The following AOPEP variants were observed in gnomAD, a reference collection of about 807,000 sequenced individuals.
The protein encoded by AOPEP is aminopeptidase O (putative).
A neutral mutation model predicts 98.1 loss-of-function variants in AOPEP; 77 were observed. That is an observed-to-expected ratio of 0.78 (90% CI 0.65 to 0.95). AOPEP has a LOEUF of 0.95. Among genes scored for constraint, AOPEP ranks in the 40% least tolerant of loss-of-function variants. AOPEP has a pLI of 0.00. For synonymous variants in AOPEP, 346 were observed against 365.3 expected (o/e 0.95, Z 0.60); for missense variants, 1,024 against 1,024.7 (o/e 1.00, Z 0.01).
At chr9:94,777,425 C>G (rs1362898902) in intron 3 of AOPEP, among the ~76,000 whole-genome samples, 1 of 148,362 alleles carries the variant, frequency 6.7e-6, no homozygotes, top group Non-Finnish European at 1.5e-5. Context: ...GAGCGAGACT[C>G]CATCTCAAAA....
intron 5 of AOPEP, among the ~76,000 whole-genome samples, chr9:94,899,079 A>C (rs979336234): frequency 4.6e-5 from 7 of 151,708 alleles, no homozygotes; most frequent in Non-Finnish European, 7.4e-5. Context: ...TATTTTCTGG[A>C]GCAATTCGTA....
chr9:95,070,659 G>T (rs1346370846), intron 14 of AOPEP, among the ~76,000 whole-genome samples: 1 of 152,276 alleles, frequency 6.6e-6, no homozygotes, highest in Non-Finnish European at 1.5e-5. Flanking sequence ...AGAGGCCCAT[G>T]CATGCCCCAG....
intron 1 of AOPEP, among the ~76,000 whole-genome samples, chr9:94,732,154 A>G (rs1191963891): frequency 6.6e-6 from 1 of 152,080 alleles, no homozygotes; most frequent in Non-Finnish European, 1.5e-5. Context: ...TTAATTGGGA[A>G]CTAATTACAG....
chr9:94,947,287 T>C (rs1000826579), intron 7 of AOPEP, among the ~76,000 whole-genome samples: 1 of 151,790 alleles, frequency 6.6e-6, no homozygotes, highest in Admixed American at 6.6e-5. Flanking sequence ...GGCCTTTTGT[T>C]ATTCTTTTAA....
downstream of AOPEP, among the ~76,000 whole-genome samples, chr9:95,088,429 G>A (rs568699773): frequency 6.0e-4 from 91 of 152,158 alleles, no homozygotes; most frequent in African/African-American, 2.1e-3. Context: ...GGCTGGTCTC[G>A]AACTCCCGAC....
At chr9:94,776,451 G>A (rs899584909) in intron 3 of AOPEP, among the ~76,000 whole-genome samples, 2 of 152,122 alleles carry the variant, frequency 1.3e-5, no homozygotes, top group Non-Finnish European at 2.9e-5. Flanking sequence ...ACAGGCGCAC[G>A]CCGCCATGCC....
At chr9:94,807,535 G>A (rs1306371496) in intron 5 of AOPEP, among the ~76,000 whole-genome samples, 3 of 152,154 alleles carry the variant, frequency 2.0e-5, no homozygotes, top group Non-Finnish European at 2.9e-5. Context: ...AGCCTGAGAC[G>A]GCCAGTCAGC....
At chr9:94,859,394 A>G (rs1180477051) in intron 5 of AOPEP, among the ~76,000 whole-genome samples, 1 of 152,226 alleles carries the variant, frequency 6.6e-6, no homozygotes, top group African/African-American at 2.4e-5. Flanking sequence ...TCTGTCTGCC[A>G]AATCTCCCTT....
At chr9:94,784,698 C>A (rs1457094115) in intron 3 of AOPEP, among the ~76,000 whole-genome samples, 1 of 152,208 alleles carries the variant, frequency 6.6e-6, no homozygotes, top group Non-Finnish European at 1.5e-5. Flanking sequence ...CCACTGCAAC[C>A]TCTGCCTCTT....
chr9:95,047,498 T>A (rs573088609), intron 13 of AOPEP, among the ~76,000 whole-genome samples: 155 of 152,360 alleles, frequency 1.0e-3, no homozygotes, highest in African/African-American at 3.7e-3. Context: ...TAAATTAGAA[T>A]GAAGAGTTTA....
At chr9:94,790,121 C>T (rs1015183842) in intron 3 of AOPEP, among the ~76,000 whole-genome samples, 6 of 151,624 alleles carry the variant, frequency 4.0e-5, no homozygotes, top group African/African-American at 1.2e-4. Context: ...GTGATCCGCC[C>T]GCCTCGGCCT....
intron 5 of AOPEP, among the ~76,000 whole-genome samples, chr9:94,857,168 T>A (rs1169371136): frequency 6.6e-6 from 1 of 152,238 alleles, no homozygotes; most frequent in African/African-American, 2.4e-5. Flanking sequence ...CTCACCCTTC[T>A]GTCTCTGTGA....
chr9:95,015,596 A>G (rs2062910561), intron 13 of AOPEP, among the ~76,000 whole-genome samples: 1 of 152,226 alleles, frequency 6.6e-6, no homozygotes, highest in African/African-American at 2.4e-5. Context: ...TAGATGTAGA[A>G]AACTATTATA....
At chr9:94,847,753 C>T (rs917851397) in intron 5 of AOPEP, among the ~76,000 whole-genome samples, 3 of 152,156 alleles carry the variant, frequency 2.0e-5, no homozygotes, top group African/African-American at 7.2e-5. Context: ...CTGTTAGTTA[C>T]TCTTAATACC....
At chr9:95,024,934 A>G (rs926272377) in intron 13 of AOPEP, among the ~76,000 whole-genome samples, 2 of 151,998 alleles carry the variant, frequency 1.3e-5, no homozygotes, top group African/African-American at 2.4e-5. Context: ...CCTTAGGCCA[A>G]TGAACTGTTT....
chr9:95,035,507 A>ATTTTT (rs542840000), intron 13 of AOPEP, among the ~76,000 whole-genome samples: 4 of 67,950 alleles, frequency 5.9e-5, no homozygotes, highest in African/African-American at 2.4e-4. Flanking sequence ...GCTTCAGATA[A>ATTTTT]TTTTTTTTTT....
chr9:94,986,280 T>A (rs1182720351), intron 11 of AOPEP, among the ~76,000 whole-genome samples: 1 of 152,214 alleles, frequency 6.6e-6, no homozygotes, highest in Non-Finnish European at 1.5e-5. Context: ...TTATATTGGG[T>A]TAGGGCCCAC....
At chr9:95,070,813 G>C (rs1308098894) in intron 14 of AOPEP, among the ~76,000 whole-genome samples, 1 of 152,282 alleles carries the variant, frequency 6.6e-6, no homozygotes, top group Non-Finnish European at 1.5e-5. Context: ...CTGGGCTGCA[G>C]AGGTGAACTA....
the AOPEP span, among the ~76,000 whole-genome samples, chr9:95,132,582 C>T: frequency 0.026 from 3,964 of 152,234 alleles, 155 homozygotes; most frequent in African/African-American, 0.08. Flanking sequence ...AGCTACCAAC[C>T]GTGGCAGACA....
Sources: allele counts gnomAD v4.1 joint callset (sites outside exome capture counted in the v4.1 genomes callset), GRCh38; gene constraint gnomAD v4.1.1; transcripts MANE v1.5; gene names NCBI Gene and HGNC (gene_info 2026-07-23, HGNC 2026-07-21).